The following CHM variants were observed in gnomAD, a reference collection of about 807,000 sequenced individuals.
CHM encodes the protein CHM Rab escort protein, also known as rab proteins geranylgeranyltransferase component A 1.
CHM carries 10 observed loss-of-function variants against 49.0 expected under a neutral mutation model. The observed-to-expected ratio is 0.20, with a 90% CI of 0.13 to 0.35. CHM has a LOEUF of 0.35. Ranked by LOEUF, CHM falls within the 10% of genes least tolerant of loss-of-function variation. CHM has a pLI of 1.00. For missense variants in CHM, 455 were observed against 478.4 expected (o/e 0.95, Z 0.46); for synonymous variants, 184 against 167.5 (o/e 1.10, Z -0.76).
intron 8 of CHM, among the ~76,000 whole-genome samples, chrX:85,920,157 G>A (rs1210135071): frequency 2.8e-5 from 3 of 108,609 alleles, no homozygotes; most frequent in Non-Finnish European, 3.8e-5. Flanking sequence ...GTGCAGTGGC[G>A]CGATCTCGGC....
chrX:86,012,804 G>A (rs1239735823), intron 2 of CHM, among the ~76,000 whole-genome samples: 1 of 110,936 alleles, frequency 9.0e-6, no homozygotes, highest in South Asian at 3.8e-4. Flanking sequence ...GCAGGAGGCA[G>A]ACAAAGGCCT....
At chrX:86,041,901 A>C (rs1056144592) in intron 1 of CHM, among the ~76,000 whole-genome samples, 7 of 109,471 alleles carry the variant, frequency 6.4e-5, no homozygotes, top group Non-Finnish European at 1.9e-5. Flanking sequence ...TAGACAATAG[A>C]TGTGAAGATT....
intron 9 of CHM, among the ~76,000 whole-genome samples, chrX:85,908,578 C>A (rs1569408762): frequency 9.0e-6 from 1 of 111,539 alleles, no homozygotes; most frequent in Non-Finnish European, 1.9e-5. Context: ...TTGTAGATGA[C>A]AGTAGTACTA....
chrX:85,905,145 C>G (rs1926513526), intron 9 of CHM, among the ~76,000 whole-genome samples: 1 of 111,378 alleles, frequency 9.0e-6, no homozygotes, highest in East Asian at 2.8e-4. Flanking sequence ...GGCTCCTCAC[C>G]TGCTCCCACT....
chrX:86,015,748 C>T (rs1372882947), intron 2 of CHM, among the ~76,000 whole-genome samples: 1 of 112,310 alleles, frequency 8.9e-6, no homozygotes, highest in East Asian at 2.8e-4. Flanking sequence ...TGGCATTTTG[C>T]CCATGCCCTA....
In CHM at chrX:86,031,202, T is replaced by C. The variant is rs183116464; in HGVS notation, c.50-3645A>G. On this transcript the variant is annotated intron_variant, in intron 1 of 14. Transcript: ENST00000357749. ...GGGAAATGGGGAGTTGCTAATCAAC[T>C]AGCATGAAGTATCAGTTATGAAAGA... Among the ~76,000 whole-genome samples the C allele has an allele frequency of 2.7e-5, 3 of 111,773 alleles. No individual in the cohort carries two copies. In the Admixed American group the frequency reaches 2.9e-4, roughly 11 times the overall value.
intron 2 of CHM, among the ~76,000 whole-genome samples, chrX:86,002,990 G>A (rs955759836): frequency 3.0e-4 from 34 of 111,824 alleles, no homozygotes; most frequent in African/African-American, 1.1e-3. Flanking sequence ...AGTAGGGGCC[G>A]ACAGACACCT....
At chrX:86,005,556 C>T (rs749179610) in intron 2 of CHM, among the ~76,000 whole-genome samples, 7 of 111,457 alleles carry the variant, frequency 6.3e-5, no homozygotes, top group South Asian at 3.7e-4. Context: ...ATCAAATAGA[C>T]GCAATAAAAA....
At chrX:85,895,423 C>T (rs1024551093) in intron 11 of CHM, among the ~76,000 whole-genome samples, 1 of 110,739 alleles carries the variant, frequency 9.0e-6, no homozygotes, top group Admixed American at 9.6e-5. Flanking sequence ...AGATTATAGG[C>T]GTGAGCCACT....
chrX:85,882,614 C>T (rs1924831061), intron 12 of CHM, among the ~76,000 whole-genome samples: 1 of 111,997 alleles, frequency 8.9e-6, no homozygotes, highest in African/African-American at 3.2e-5. Context: ...TTTGGCAATA[C>T]ACTTAGATTT....
chrX:85,954,659 T>C (rs753263678), intron 8 of CHM, among the ~76,000 whole-genome samples: 56 of 111,143 alleles, frequency 5.0e-4, no homozygotes, highest in Non-Finnish European at 6.8e-4. Flanking sequence ...TTTGGGAGGC[T>C]GAGATGGGTG....
intron 2 of CHM, among the ~76,000 whole-genome samples, chrX:86,013,504 C>G (rs1406462625): frequency 1.8e-5 from 2 of 111,267 alleles, no homozygotes; most frequent in African/African-American, 6.5e-5. Context: ...GTGGCCGAGA[C>G]AGGCGGATCA....
Position 86,019,046 on chromosome X carries a change from G to GT in CHM, c.116+8444dup, listed in dbSNP as rs774559966. Reference sequence around the variant, plus strand: ...TACGTCTCTGGAGAATGTATAAAAGGTAACAGTAGCTGCTTCTGGGAGGTG... The same window carrying GT: ...TACGTCTCTGGAGAATGTATAAAAGGTTAACAGTAGCTGCTTCTGGGAGGTG... On this transcript the variant is annotated intron_variant, in intron 2 of 14. Coordinates refer to ENST00000357749, the MANE Select transcript of CHM (RefSeq NM_000390.4). 4.5e-5 allele frequency among the ~76,000 whole-genome samples: 5 copies of GT among 111,649 alleles called. No individual in the cohort carries two copies. In the South Asian group the frequency reaches 1.9e-3, roughly 42 times the overall value.
chrX:86,008,566 TTAA>T (rs758974972), intron 2 of CHM, among the ~76,000 whole-genome samples: 20 of 112,010 alleles, frequency 1.8e-4, no homozygotes, highest in African/African-American at 6.2e-4. Context: ...GAATCATTAT[TTAA>T]TTATTCTCTG....
chrX:86,005,779 C>T (rs1332022391), intron 2 of CHM, among the ~76,000 whole-genome samples: 1 of 111,639 alleles, frequency 9.0e-6, no homozygotes, highest in African/African-American at 3.3e-5. Flanking sequence ...TAATAGTCTA[C>T]CAACCAAAAA....
At chrX:86,012,700 TA>T (rs751118937) in intron 2 of CHM, among the ~76,000 whole-genome samples, 1 of 111,550 alleles carries the variant, frequency 9.0e-6, no homozygotes, top group East Asian at 2.8e-4. Context: ...AAATTCTTTT[TA>T]CCAACCCAGA....
At chrX:85,965,335 T>C (rs1930520231) in intron 4 of CHM, among the ~76,000 whole-genome samples, 1 of 112,310 alleles carries the variant, frequency 8.9e-6, no homozygotes, top group Non-Finnish European at 1.9e-5. Context: ...TATTATACCA[T>C]GCTCCCATAA....
chrX:86,039,212 T>G (rs977497112), intron 1 of CHM, among the ~76,000 whole-genome samples: 3 of 112,057 alleles, frequency 2.7e-5, no homozygotes, highest in African/African-American at 9.7e-5. Flanking sequence ...TAATTATCAT[T>G]GATTTTGCTT....
intron 13 of CHM, among the ~76,000 whole-genome samples, chrX:85,874,721 T>G (rs1171400023): frequency 8.9e-6 from 1 of 111,927 alleles, no homozygotes; most frequent in Admixed American, 9.5e-5. Context: ...ACGAGTCATC[T>G]AAGATATTGC....
Sources: allele counts gnomAD v4.1 joint callset (sites outside exome capture counted in the v4.1 genomes callset), GRCh38; gene constraint gnomAD v4.1.1; transcripts MANE v1.5; gene names NCBI Gene and HGNC (gene_info 2026-07-23, HGNC 2026-07-21).